Variants in ZBTB44 observed in about 807,000 individuals in gnomAD.
ZBTB44 encodes the protein zinc finger and BTB domain-containing protein 44.
Under a neutral mutation model 54.0 loss-of-function variants are expected in ZBTB44, and 15 were observed. The observed-to-expected ratio is 0.28, with a 90% CI of 0.19 to 0.43. The LOEUF (loss-of-function observed/expected upper bound fraction) is 0.43. ZBTB44 is among the 20% of genes least tolerant of loss of function. The pLI is 1.00. For synonymous variants in ZBTB44, 230 were observed against 250.1 expected (o/e 0.92, Z 0.76); for missense variants, 487 against 707.1 (o/e 0.69, Z 3.53).
chr11:130,242,793 G>A (rs1954438623), intron 2 of ZBTB44, among the ~76,000 whole-genome samples: 1 of 151,848 alleles, frequency 6.6e-6, no homozygotes, highest in South Asian at 2.1e-4. Context: ...TTCCTGTTTG[G>A]GACTGGTGTC....
At chr11:130,268,987 C>T (rs1422801731) in intron 1 of ZBTB44, among the ~76,000 whole-genome samples, 2 of 150,770 alleles carry the variant, frequency 1.3e-5, no homozygotes, top group African/African-American at 4.9e-5. Flanking sequence ...TTAGCCAAGT[C>T]TCTTTAAAAA....
At chr11:130,240,480 A>G (rs1470285978) in intron 2 of ZBTB44, among the ~76,000 whole-genome samples, 2 of 152,246 alleles carry the variant, frequency 1.3e-5, no homozygotes, top group African/African-American at 4.8e-5. Context: ...AAAGCGAACA[A>G]AAATCCACAT....
At chr11:130,265,939 G>A (rs1467662595) in intron 1 of ZBTB44, among the ~76,000 whole-genome samples, 1 of 152,242 alleles carries the variant, frequency 6.6e-6, no homozygotes, top group Non-Finnish European at 1.5e-5. Flanking sequence ...AAGTTATCCA[G>A]AAGAGCTAGT....
intron 1 of ZBTB44, among the ~76,000 whole-genome samples, chr11:130,266,077 C>T (rs1313316466): frequency 6.6e-6 from 1 of 152,200 alleles, no homozygotes; most frequent in African/African-American, 2.4e-5. Flanking sequence ...GGCTTCAAAA[C>T]TTCAAAGGAC....
At chr11:130,305,034 A>C (rs1942192153) in intron 1 of ZBTB44, among the ~76,000 whole-genome samples, 1 of 152,228 alleles carries the variant, frequency 6.6e-6, no homozygotes, top group African/African-American at 2.4e-5. Flanking sequence ...TAAAATACTT[A>C]GGAATATACC....
chr11:130,268,103 A>G (rs937757566), intron 1 of ZBTB44, among the ~76,000 whole-genome samples: 2 of 147,844 alleles, frequency 1.4e-5, no homozygotes, highest in African/African-American at 2.5e-5. Context: ...CTCACGAAAG[A>G]AAGATCCAGG....
At chr11:130,256,000 G>C (rs1938416170) in intron 2 of ZBTB44, among the ~76,000 whole-genome samples, 2 of 150,370 alleles carry the variant, frequency 1.3e-5, no homozygotes, top group South Asian at 4.2e-4. Flanking sequence ...TCACCAGACA[G>C]ATTCACAGCT....
intron 1 of ZBTB44, among the ~76,000 whole-genome samples, chr11:130,272,691 T>C (rs1277895764): frequency 1.3e-5 from 2 of 151,658 alleles, no homozygotes; most frequent in African/African-American, 2.4e-5. Flanking sequence ...CTAATATCTT[T>C]TTTTTTTTTT....
At chr11:130,236,644 G>T in intron 5 of ZBTB44, 149 bp downstream of exon 5, 2 of 779,902 alleles carry the variant, frequency 2.6e-6, no homozygotes, top group Non-Finnish European at 3.5e-6. Context: ...TATCAGATCA[G>T]GAGATTAGAG....
chr11:130,280,240 A>C (rs752346216), intron 1 of ZBTB44, among the ~76,000 whole-genome samples: 7 of 152,212 alleles, frequency 4.6e-5, no homozygotes, highest in Non-Finnish European at 7.3e-5. Context: ...ACACAGAGAC[A>C]GCACGAGGAG....
Position 130,239,844 on chromosome 11 carries a change from AGAC to A in ZBTB44, c.1068_1070del (p.Ser358del), listed in dbSNP as rs776473398. 4 of 1,612,646 alleles carry A rather than the reference AGAC, an allele frequency of 2.5e-6. No homozygotes were observed. Among genetic ancestry groups the A allele is most frequent in the Non-Finnish European group, 3.4e-6 (4 of 1,179,142 alleles). The stretch of plus-strand genomic sequence containing the variant: ...CATCATCCGGAGGAGCATTAGTGCT[AGAC>A]GTGCTTTGAAGTGTAGGCAAGCCCT... On this transcript the variant is annotated inframe_deletion, in exon 3 of 8. Transcript: ENST00000357899.
chr11:130,304,551 G>A (rs1326606626), intron 1 of ZBTB44, among the ~76,000 whole-genome samples: 1 of 152,070 alleles, frequency 6.6e-6, no homozygotes, highest in East Asian at 1.9e-4. Context: ...GGAGGATACA[G>A]CATGTTACTG....
At position 130,232,281 on chromosome 11, in the gene ZBTB44, G is replaced by A. The variant is rs187427437; in HGVS notation, c.*49-566C>T. 7 of 152,264 alleles carry A rather than the reference G, an allele frequency of 4.6e-5. No homozygotes were observed. In the East Asian group the frequency reaches 1.2e-3, roughly 25 times the overall value. 9.4% of individuals were successfully genotyped at this position (152,264 alleles called of 1,614,324 possible). A position where few individuals can be genotyped will look rare whatever the true frequency, so the allele number is the denominator to read the frequency against. ...TTTTGACTAAAGAACTGTATTTTCT[G>A]TCTATCAAATCAGGTGCTCTCATAA... is the stretch of plus-strand genomic sequence containing the variant. On this transcript the variant is annotated intron_variant, in intron 7 of 7. Coordinates refer to ENST00000357899, the MANE Select transcript of ZBTB44 (RefSeq NM_001301098.2).
intron 1 of ZBTB44, among the ~76,000 whole-genome samples, chr11:130,264,233 T>C (rs146302737): frequency 5.3e-4 from 81 of 152,346 alleles, no homozygotes; most frequent in African/African-American, 1.9e-3. Context: ...ATCAATGCTA[T>C]AGAAACATTA....
intron 1 of ZBTB44, among the ~76,000 whole-genome samples, chr11:130,297,642 C>T (rs988753020): frequency 1.3e-5 from 2 of 152,072 alleles, no homozygotes; most frequent in African/African-American, 4.8e-5. Flanking sequence ...GGGAGGATGC[C>T]CCATGAAGAC....
intron 1 of ZBTB44, among the ~76,000 whole-genome samples, chr11:130,300,011 CACAA>C (rs1253933148): frequency 6.6e-6 from 1 of 152,158 alleles, no homozygotes; most frequent in Non-Finnish European, 1.5e-5. Context: ...CATGCTGCAA[CACAA>C]ACAAACCTTG....
chr11:130,291,918 GT>G (rs1941320819), intron 1 of ZBTB44, among the ~76,000 whole-genome samples: 1 of 152,158 alleles, frequency 6.6e-6, no homozygotes, highest in African/African-American at 2.4e-5. Context: ...ATTTCTGTAA[GT>G]TTCTTTGCAG....
chr11:130,248,871 AGGTG>A (rs1411884165), intron 2 of ZBTB44, among the ~76,000 whole-genome samples: 1 of 152,078 alleles, frequency 6.6e-6, no homozygotes, highest in Admixed American at 6.6e-5. Flanking sequence ...TGGGAGGCTG[AGGTG>A]GGTGGATCAC....
intron 1 of ZBTB44, chr11:130,310,343 G>C (rs141300695): frequency 0.02 from 3,074 of 152,222 alleles, 55 homozygotes; most frequent in Non-Finnish European, 0.029. Flanking sequence ...GGGACCACCA[G>C]GTTGCCTAAT....
Sources: allele counts gnomAD v4.1 joint callset (sites outside exome capture counted in the v4.1 genomes callset), GRCh38; gene constraint gnomAD v4.1.1; transcripts MANE v1.5; gene names NCBI Gene and HGNC (gene_info 2026-07-23, HGNC 2026-07-21).